The following DOCK4 variants were observed in gnomAD, a reference collection of about 807,000 sequenced individuals.
DOCK4 encodes dedicator of cytokinesis protein 4.
DOCK4 carries 97 observed loss-of-function variants against 268.1 expected under a neutral mutation model. That is an observed-to-expected ratio of 0.36 (90% CI 0.31 to 0.43). DOCK4 has a LOEUF of 0.43. Ranked by LOEUF, DOCK4 falls within the 20% of genes least tolerant of loss-of-function variation. DOCK4 has a pLI of 1.00. For missense variants in DOCK4, 2,145 were observed against 2,455.7 expected, an observed-to-expected ratio of 0.87 and a Z score of 2.67; for synonymous variants, 954 against 887.2, an observed-to-expected ratio of 1.08 and a Z score of -1.34.
chr7:111,974,783 T>A (rs2135102392), intron 8 of DOCK4, among the ~76,000 whole-genome samples: 1 of 152,198 alleles, frequency 6.6e-6, no homozygotes, highest in East Asian at 1.9e-4. Context: ...ATTATCTTAC[T>A]TTTGCTAAGG....
At chr7:111,763,458 G>C (rs1417215443) in intron 39 of DOCK4, among the ~76,000 whole-genome samples, 1 of 152,176 alleles carries the variant, frequency 6.6e-6, no homozygotes, top group Non-Finnish European at 1.5e-5. Flanking sequence ...GAATGATATA[G>C]AAGATTGATT....
intron 13 of DOCK4, among the ~76,000 whole-genome samples, chr7:111,913,612 T>C (rs946876485): frequency 1.3e-5 from 2 of 151,718 alleles, no homozygotes; most frequent in African/African-American, 4.8e-5. Flanking sequence ...GGTTTCACCA[T>C]GTTAGCCAGG....
intron 1 of DOCK4, among the ~76,000 whole-genome samples, chr7:112,068,815 G>A (rs972841784): frequency 6.6e-5 from 10 of 152,122 alleles, no homozygotes; most frequent in Non-Finnish European, 1.2e-4. Context: ...TACTTCTTGA[G>A]GATTCAGAGA....
At chr7:111,931,750 G>C (rs1297856826) in intron 12 of DOCK4, among the ~76,000 whole-genome samples, 1 of 152,206 alleles carries the variant, frequency 6.6e-6, no homozygotes, top group East Asian at 1.9e-4. Flanking sequence ...GGTAAGGATA[G>C]AATATTTCAG....
chr7:111,767,743 C>G (rs1563476714), intron 37 of DOCK4, among the ~76,000 whole-genome samples: 1 of 152,052 alleles, frequency 6.6e-6, no homozygotes. Context: ...TAAACAGGCC[C>G]TCAGTGCAGA....
chr7:112,128,673 G>A (rs988048567), intron 1 of DOCK4, among the ~76,000 whole-genome samples: 52 of 152,148 alleles, frequency 3.4e-4, no homozygotes, highest in African/African-American at 9.9e-4. Flanking sequence ...AATGGATTAA[G>A]GGCGGTGCAA....
chr7:111,728,752 C>G (rs1563415372), intron 52 of DOCK4, 32 bp from the exon 53 acceptor site: 3 of 1,569,922 alleles, frequency 1.9e-6, no homozygotes, highest in African/African-American at 2.7e-5. Context: ...GAGAGGGAGA[C>G]ACAGCATTGA....
rs1340151684 is a variant in DOCK4 at position 111,940,245 on chromosome 7, G to A, written c.845-3C>T. On this transcript the variant is annotated splice_polypyrimidine_tract_variant and splice_region_variant and intron_variant, in intron 10 of 52. Transcript: ENST00000428084. ...TTTTTCTCCTGCTCCCATTCGACCT[G>A]TTCAATTAAAGAGCAATCATTAACC... 6.2e-7 allele frequency: 1 copy of A among 1,613,622 alleles called. No homozygotes were observed. The highest frequency in any genetic ancestry group is 8.5e-7 in the Non-Finnish European group (1 of 1,179,738).
In DOCK4 at chr7:111,746,341, A is replaced by T; in HGVS notation, c.4670T>A (p.Leu1557His). 6.2e-7 allele frequency: 1 copy of T among 1,612,632 alleles called. No homozygotes were observed. The highest frequency in any genetic ancestry group is 8.5e-7 in the Non-Finnish European group (1 of 1,179,356). The change falls in exon 44 of 53, where the codon CTT (leucine) becomes CAT (histidine). Residue 1557 changes from leucine (L) to histidine (H), a missense_variant. This residue lies in a region of DOCK4 where 1,598 missense variants were observed against 1,986.7 expected (regional missense o/e 0.80). Coordinates refer to ENST00000428084, the MANE Select transcript of DOCK4 (RefSeq NM_001363540.2). ...EKIARLRELM[L>H]EQAQILEFGL... is the part of the protein sequence containing the mutation. ...GGCTTCTGCTTCCCTTACCTGCTCAAGCATCAGCTCTCTTAATCGTGCAAT... is the reference window on the plus strand; with the variant it reads ...GGCTTCTGCTTCCCTTACCTGCTCATGCATCAGCTCTCTTAATCGTGCAAT...
intron 22 of DOCK4, among the ~76,000 whole-genome samples, chr7:111,864,005 G>A (rs187613966): frequency 1.3e-4 from 20 of 152,226 alleles, no homozygotes; most frequent in African/African-American, 4.8e-4. Context: ...CTCCATTTCT[G>A]ATTTAAGAAA....
At chr7:111,790,161 G>T (rs1799432432) in intron 31 of DOCK4, among the ~76,000 whole-genome samples, 2 of 152,046 alleles carry the variant, frequency 1.3e-5, no homozygotes, top group South Asian at 4.2e-4. Flanking sequence ...TCTGCTCTGT[G>T]TCCAACTGGG....
At chr7:112,159,669 C>T (rs984911135) in intron 1 of DOCK4, among the ~76,000 whole-genome samples, 1 of 151,978 alleles carries the variant, frequency 6.6e-6, no homozygotes, top group Non-Finnish European at 1.5e-5. Flanking sequence ...CCTCCTACCC[C>T]AGACGCTTTC....
intron 23 of DOCK4, among the ~76,000 whole-genome samples, chr7:111,848,652 T>A (rs1437479574): frequency 6.6e-6 from 1 of 152,064 alleles, no homozygotes; most frequent in Non-Finnish European, 1.5e-5. Context: ...AACACCATGG[T>A]CTGGGGCGGG....
At chr7:112,049,037 CAT>C (rs1467651566) in intron 1 of DOCK4, among the ~76,000 whole-genome samples, 1 of 151,990 alleles carries the variant, frequency 6.6e-6, no homozygotes, top group Non-Finnish European at 1.5e-5. Context: ...CATTACAAGA[CAT>C]AGTGAAGGAA....
rs369419398 is a variant in DOCK4, at chr7:112,136,681, G to A, written c.37+69421C>T. Among the ~76,000 whole-genome samples the A allele has an allele frequency of 1.9e-4, 29 of 152,280 alleles. 1 individual carries two copies. The highest frequency in any genetic ancestry group is 6.5e-4 in the African/African-American group (27 of 41,556). The stretch of plus-strand genomic sequence containing the variant: ...ACACACTAGGATTCAGGAAGGGGCA[G>A]AAATTACCTCTAGTTTATGTGATCA... On this transcript the variant is annotated intron_variant, in intron 1 of 52. Transcript: ENST00000428084.
intron 23 of DOCK4, among the ~76,000 whole-genome samples, chr7:111,850,193 T>C (rs1162597562): frequency 6.6e-6 from 1 of 152,108 alleles, no homozygotes; most frequent in East Asian, 1.9e-4. Context: ...ACCCTTGATA[T>C]CTGATTGGGT....
intron 1 of DOCK4, among the ~76,000 whole-genome samples, chr7:112,155,683 T>C (rs186539925): frequency 2.9e-4 from 44 of 152,260 alleles, no homozygotes; most frequent in Non-Finnish European, 5.9e-4. Context: ...GACCCCAGAG[T>C]TCAAAAGATG....
intron 6 of DOCK4, among the ~76,000 whole-genome samples, chr7:111,987,462 T>C (rs1295765756): frequency 8.4e-6 from 1 of 118,820 alleles, no homozygotes; most frequent in Admixed American, 7.4e-5. Flanking sequence ...CCAAAATAAT[T>C]CAGAGTCCTC....
intron 12 of DOCK4, among the ~76,000 whole-genome samples, chr7:111,932,489 G>A (rs1794282482): frequency 3.3e-5 from 5 of 152,070 alleles, no homozygotes; most frequent in African/African-American, 1.2e-4. Flanking sequence ...TAATGGATTT[G>A]TTTGTGATCC....
Sources: allele counts gnomAD v4.1 joint callset (sites outside exome capture counted in the v4.1 genomes callset), GRCh38; gene constraint gnomAD v4.1.1; regional missense constraint gnomAD v4.1.1; transcripts MANE v1.5; gene names NCBI Gene and HGNC (gene_info 2026-07-23, HGNC 2026-07-21).